The following TXNDC9 variants were observed in gnomAD, a reference collection of about 807,000 sequenced individuals.
TXNDC9 encodes the protein thioredoxin domain-containing protein 9.
A neutral mutation model predicts 23.0 loss-of-function variants in TXNDC9; 7 were observed. The observed-to-expected ratio is 0.30, with a 90% CI of 0.17 to 0.57. The LOEUF (loss-of-function observed/expected upper bound fraction) is 0.57, where lower values mean the gene tolerates loss of function less well. Ranked by LOEUF, TXNDC9 falls within the 20% of genes least tolerant of loss-of-function variation. The pLI, the probability that TXNDC9 is intolerant of heterozygous loss-of-function variation, is 0.90. For synonymous variants in TXNDC9, 72 were observed against 90.6 expected (o/e 0.79, Z 1.17); for missense variants, 198 against 252.6 (o/e 0.78, Z 1.47).
At chr2:99,309,951 C>G in the TXNDC9 span, among the ~76,000 whole-genome samples, 1 of 152,112 alleles carries the variant, frequency 6.6e-6, no homozygotes, top group African/African-American at 2.4e-5. Flanking sequence ...TCCTAAAGCG[C>G]TGGGATTACA....
the TXNDC9 span, among the ~76,000 whole-genome samples, chr2:99,309,355 C>T: frequency 6.6e-6 from 1 of 151,362 alleles, no homozygotes; most frequent in South Asian, 2.1e-4. Flanking sequence ...GTCTGGGTGA[C>T]AGTGAGACTC....
chr2:99,322,548 G>T, intron 3 of TXNDC9: 1 of 1,498,552 alleles, frequency 6.7e-7, no homozygotes, highest in South Asian at 1.3e-5. Context: ...GACAAAACTC[G>T]GAAGAGACTT....
chr2:99,322,359 C>T, intron 3 of TXNDC9, 150 bp from the exon 4 acceptor site: 3 of 1,267,496 alleles, frequency 2.4e-6, no homozygotes, highest in Non-Finnish European at 3.2e-6. Flanking sequence ...GATGACCTCA[C>T]TTCCAGATCA....
chr2:99,325,317 ATCTC>A (rs985799596), intron 3 of TXNDC9, among the ~76,000 whole-genome samples: 4 of 152,158 alleles, frequency 2.6e-5, no homozygotes, highest in Non-Finnish European at 4.4e-5. Flanking sequence ...ATGGGTTCCA[ATCTC>A]TCTCTTTTTT....
downstream of TXNDC9, among the ~76,000 whole-genome samples, chr2:99,317,985 C>T (rs1318362813): frequency 6.6e-6 from 1 of 152,292 alleles, no homozygotes; most frequent in East Asian, 1.9e-4. Context: ...CTGCCTCTCG[C>T]GTTCAAGCGA....
the TXNDC9 span, among the ~76,000 whole-genome samples, chr2:99,312,325 G>T: frequency 1.3e-5 from 2 of 151,850 alleles, no homozygotes; most frequent in African/African-American, 2.4e-5. Context: ...GTGAAACCCC[G>T]TCCCTACTAA....
intron 2 of TXNDC9, among the ~76,000 whole-genome samples, chr2:99,331,653 T>C (rs2094225853): frequency 6.6e-6 from 1 of 152,354 alleles, no homozygotes; most frequent in South Asian, 2.1e-4. Flanking sequence ...AAAAGATTAT[T>C]TCCTTTTGTA....
chr2:99,324,873 A>G (rs6721031), intron 3 of TXNDC9, among the ~76,000 whole-genome samples: 126,682 of 152,272 alleles, frequency 0.83, 53,283 homozygotes, highest in Middle Eastern at 0.98. Context: ...AGCCTCCTGC[A>G]CAACTGGGAC....
At chr2:99,334,067 T>C (rs1316270799) in intron 1 of TXNDC9, among the ~76,000 whole-genome samples, 1 of 152,210 alleles carries the variant, frequency 6.6e-6, no homozygotes, top group Non-Finnish European at 1.5e-5. Flanking sequence ...GAATATATTC[T>C]AGGCTGGGTG....
Position 99,322,617 on chromosome 2 carries a change from C to T in TXNDC9, c.309-408G>A, listed in dbSNP as rs915663380. ...TTGGAAGTCATGAAGAAAAACTGAA[C>T]AGCATTACCGAGGAAAAACTTCTTA... On this transcript the variant is annotated intron_variant, in intron 3 of 4. Transcript: ENST00000264255. 1.9e-6 allele frequency: 3 copies of T among 1,545,212 alleles called. No homozygotes were observed. The East Asian group carries it at 7.4e-5, about 38-fold the overall frequency.
the TXNDC9 span, among the ~76,000 whole-genome samples, chr2:99,313,237 A>AT: frequency 6.6e-6 from 1 of 152,070 alleles, no homozygotes; most frequent in East Asian, 1.9e-4. Context: ...TTCTTCTTCT[A>AT]TTTTTTAATT....
rs1038074090 is a variant in TXNDC9, at chr2:99,336,271, A to G, written c.-65T>C. 5.1e-6 allele frequency: 5 copies of G among 985,332 alleles called. No individual in the cohort carries two copies. The highest frequency in any genetic ancestry group is 6.1e-5 in the Admixed American group (1 of 16,270). The allele number at this position is 985,332 out of a possible 1,614,324, so 61.0% of individuals were successfully genotyped here. A position where few individuals can be genotyped will look rare whatever the true frequency, so the allele number is the denominator to read the frequency against. ...CTCGGTGACGCCTGAGAAGTGAAAG[A>G]GCAGCAGTTTCAAAAGACACGTCCA... On this transcript the variant is annotated 5_prime_UTR_variant, in exon 1 of 5. Coordinates refer to ENST00000264255, the MANE Select transcript of TXNDC9 (RefSeq NM_005783.4).
chr2:99,307,400 C>T, the TXNDC9 span: 1 of 146,366 alleles, frequency 6.8e-6, no homozygotes, highest in Non-Finnish European at 1.5e-5. Context: ...ATGAGATGAA[C>T]ACTTTTAACA....
intron 3 of TXNDC9, among the ~76,000 whole-genome samples, chr2:99,324,909 C>T (rs560913014): frequency 5.3e-5 from 8 of 152,356 alleles, no homozygotes; most frequent in African/African-American, 1.7e-4. Flanking sequence ...CCATGCCCAG[C>T]TAACTTTTTG....
the TXNDC9 span, among the ~76,000 whole-genome samples, chr2:99,306,340 C>T: frequency 6.6e-6 from 1 of 152,126 alleles, no homozygotes; most frequent in South Asian, 2.1e-4. Flanking sequence ...AGTGAGGATC[C>T]AGGAGGTCTG....
At chr2:99,329,977 G>A (rs114175804) in intron 2 of TXNDC9, among the ~76,000 whole-genome samples, 1,709 of 140,656 alleles carry the variant, frequency 0.012, 30 homozygotes, top group African/African-American at 0.041. Flanking sequence ...AAAAAAAAAA[G>A]TATTTGTCTT....
the TXNDC9 span, among the ~76,000 whole-genome samples, chr2:99,309,843 G>A: frequency 1.3e-5 from 2 of 151,846 alleles, no homozygotes; most frequent in Non-Finnish European, 2.9e-5. Context: ...GTACCACCAC[G>A]CCCAGCTAAT....
intron 3 of TXNDC9, among the ~76,000 whole-genome samples, chr2:99,322,988 C>A (rs2094205853): frequency 6.6e-6 from 1 of 152,010 alleles, no homozygotes; most frequent in Non-Finnish European, 1.5e-5. Flanking sequence ...GTCTTGATCT[C>A]CTGACCTTGT....
chr2:99,310,063 T>A, the TXNDC9 span, among the ~76,000 whole-genome samples: 1 of 152,202 alleles, frequency 6.6e-6, no homozygotes, highest in African/African-American at 2.4e-5. Flanking sequence ...AGGGTTGTTG[T>A]GATGATTACT....
Sources: allele counts gnomAD v4.1 joint callset (sites outside exome capture counted in the v4.1 genomes callset), GRCh38; gene constraint gnomAD v4.1.1; transcripts MANE v1.5; gene names NCBI Gene and HGNC (gene_info 2026-07-23, HGNC 2026-07-21).